Variants in ACACA observed in about 807,000 individuals in gnomAD.
ACACA encodes the protein acetyl-CoA carboxylase 1.
In ACACA, 103 loss-of-function variants were observed where a neutral mutation model predicts 296.1. That is an observed-to-expected ratio of 0.35 (90% CI 0.30 to 0.41). The LOEUF (loss-of-function observed/expected upper bound fraction) is 0.41, where lower values mean the gene tolerates loss of function less well. Among genes scored for constraint, ACACA ranks in the 10% least tolerant of loss-of-function variants. ACACA has a pLI of 1.00. For missense variants in ACACA, 1,554 were observed against 2,989.7 expected, an observed-to-expected ratio of 0.52 and a Z score of 11.20; for synonymous variants, 953 against 1,038.6, an observed-to-expected ratio of 0.92 and a Z score of 1.58.
chr17:37,175,822 C>T (rs540595649), intron 41 of ACACA, among the ~76,000 whole-genome samples: 1 of 152,310 alleles, frequency 6.6e-6, no homozygotes, highest in African/African-American at 2.4e-5. Context: ...TACCTTTCAT[C>T]ATGCATTAGG....
intron 41 of ACACA, among the ~76,000 whole-genome samples, chr17:37,172,015 G>A (rs888132427): frequency 4.6e-5 from 7 of 152,042 alleles, no homozygotes; most frequent in Non-Finnish European, 8.8e-5. Flanking sequence ...GGTGCCCCCC[G>A]CTACTCCTCA....
intron 50 of ACACA, among the ~76,000 whole-genome samples, chr17:37,115,170 A>C (rs2074183920): frequency 6.8e-6 from 1 of 146,704 alleles, no homozygotes; most frequent in South Asian, 2.4e-4. Flanking sequence ...GCTAAGACCA[A>C]AAAAATTTAC....
At chr17:37,095,873 A>G (rs2072957493) in intron 54 of ACACA, among the ~76,000 whole-genome samples, 1 of 152,180 alleles carries the variant, frequency 6.6e-6, no homozygotes, top group Non-Finnish European at 1.5e-5. Context: ...CTATTCCAGG[A>G]GCAAATGCTG....
At chr17:37,332,213 T>C (rs543351826) in intron 2 of ACACA, among the ~76,000 whole-genome samples, 3 of 147,938 alleles carry the variant, frequency 2.0e-5, no homozygotes, top group Admixed American at 6.7e-5. Flanking sequence ...AACTTAAAAG[T>C]ATAATTTAAA....
chr17:37,390,175 T>TATATATACACAC (rs60788220), intron 1 of ACACA, among the ~76,000 whole-genome samples: 35 of 44,510 alleles, frequency 7.9e-4, no homozygotes, highest in Admixed American at 1.7e-3. Flanking sequence ...TATATATATA[T>TATATATACACAC]ACACACACAC....
chr17:37,142,020 T>TTG (rs2075609655), intron 45 of ACACA, among the ~76,000 whole-genome samples: 2 of 151,712 alleles, frequency 1.3e-5, no homozygotes, highest in African/African-American at 4.8e-5. Context: ...TTGTTTTTTT[T>TTG]TTTTTAATCT....
Position 37,174,012 on chromosome 17 carries a change from A to ATT in ACACA, c.5079+5247_5079+5248insAA, listed in dbSNP as rs1339330288. ...TATATATATATATATATATATATAT[A>ATT]TATATATATTTTTTTTTTTTTTTTT... On this transcript the variant is annotated intron_variant, in intron 41 of 55. Transcript: ENST00000616317. Among the ~76,000 whole-genome samples, 36 of 12,462 alleles carry ATT rather than the reference A, an allele frequency of 2.9e-3. 1 individual carries two copies. Among genetic ancestry groups the ATT allele is most frequent in the East Asian group, 0.014 (3 of 212 alleles). 8.2% of individuals were successfully genotyped at this position (12,462 alleles called of 152,430 possible).
At chr17:37,128,689 G>A (rs2074945425) in intron 47 of ACACA, among the ~76,000 whole-genome samples, 1 of 152,158 alleles carries the variant, frequency 6.6e-6, no homozygotes, top group African/African-American at 2.4e-5. Flanking sequence ...TCTTTTTCCT[G>A]TTTTGTTTCT....
In ACACA at chr17:37,121,502, A is replaced by G. The variant is rs1220060002; in HGVS notation, c.6139-12T>C. ...GCCTGCTGGATTATCTATTAGGAAA[A>G]GTCAAAGAAGACACAATTAACAACA... On this transcript the variant is annotated splice_polypyrimidine_tract_variant and intron_variant, in intron 49 of 55. Coordinates refer to ENST00000616317, the MANE Select transcript of ACACA (RefSeq NM_198834.3). 1.2e-6 allele frequency: 2 copies of G among 1,613,990 alleles called. No individual in the cohort carries two copies. Among genetic ancestry groups the G allele is most frequent in the African/African-American group, 1.3e-5 (1 of 74,942 alleles).
At chr17:37,339,937 G>C (rs567487719) in intron 1 of ACACA, 87 bp from the exon 2 acceptor site, 1 of 704,894 alleles carries the variant, frequency 1.4e-6, no homozygotes, top group Admixed American at 2.3e-5. Context: ...TAATACAAAG[G>C]TAATAATATA....
intron 3 of ACACA, among the ~76,000 whole-genome samples, chr17:37,306,973 C>T (rs999961805): frequency 1.3e-5 from 2 of 152,164 alleles, no homozygotes; most frequent in Admixed American, 6.5e-5. Context: ...GCTGGGATTA[C>T]AGGCGTGAGC....
chr17:37,335,327 T>C (rs1228703210), intron 2 of ACACA, among the ~76,000 whole-genome samples: 1 of 152,178 alleles, frequency 6.6e-6, no homozygotes, highest in East Asian at 1.9e-4. Context: ...ACTTCTGTTT[T>C]AGTAGGTCCT....
At chr17:37,403,173 C>T (rs187339111) in intron 1 of ACACA, among the ~76,000 whole-genome samples, 70 of 152,242 alleles carry the variant, frequency 4.6e-4, no homozygotes, top group African/African-American at 1.6e-3. Flanking sequence ...TTGTATTTGT[C>T]ATTTCCAGTC....
intron 50 of ACACA, among the ~76,000 whole-genome samples, chr17:37,118,670 A>G (rs1013470092): frequency 1.3e-5 from 2 of 152,144 alleles, no homozygotes; most frequent in Non-Finnish European, 2.9e-5. Flanking sequence ...TCCTTTCCCA[A>G]CTCTGCCATT....
chr17:37,162,886 C>T (rs896127523), intron 41 of ACACA: 3 of 161,836 alleles, frequency 1.9e-5, no homozygotes, highest in African/African-American at 7.2e-5. Context: ...GCAGCACCTA[C>T]AACATGTACT....
chr17:37,148,120 C>T (rs1228005566), intron 45 of ACACA, among the ~76,000 whole-genome samples: 3 of 150,818 alleles, frequency 2.0e-5, no homozygotes, highest in African/African-American at 7.3e-5. Flanking sequence ...TCTATGAGAA[C>T]AGAATTTTTA....
At chr17:37,337,166 A>C (rs768970434) in intron 2 of ACACA, among the ~76,000 whole-genome samples, 25 of 152,212 alleles carry the variant, frequency 1.6e-4, no homozygotes, top group Non-Finnish European at 2.6e-4. Flanking sequence ...ATAAAACAGT[A>C]ATTAACAAAT....
At chr17:37,293,774 G>A (rs994166328) in intron 3 of ACACA, among the ~76,000 whole-genome samples, 56 of 152,012 alleles carry the variant, frequency 3.7e-4, no homozygotes, top group African/African-American at 1.3e-3. Context: ...TCCTGACCTC[G>A]GGTGATCCAC....
chr17:37,214,134 T>TA (rs149286591), intron 29 of ACACA, among the ~76,000 whole-genome samples: 219 of 152,298 alleles, frequency 1.4e-3, no homozygotes, highest in African/African-American at 5.0e-3. Context: ...GTCGGCTGAA[T>TA]AACCTACTAG....
Sources: gnomAD v4.1 joint callset for allele counts (sites outside exome capture counted in the v4.1 genomes callset) on GRCh38, gnomAD v4.1.1 for gene constraint, MANE v1.5 for transcripts, NCBI Gene and HGNC (gene_info 2026-07-23, HGNC 2026-07-21) for gene names.